The following ICE2 variants were observed in gnomAD, a reference collection of about 807,000 sequenced individuals.
ICE2 encodes little elongation complex subunit 2.
A neutral mutation model predicts 105.4 loss-of-function variants in ICE2; 87 were observed. The ratio of observed to expected loss-of-function variants is 0.83; its 90% CI spans 0.69 to 0.99. The LOEUF (loss-of-function observed/expected upper bound fraction) is 0.99, where lower values mean the gene tolerates loss of function less well. Among genes scored for constraint, ICE2 ranks in the 50% least tolerant of loss-of-function variants. ICE2 has a pLI of 0.00. For missense variants in ICE2, 1,323 were observed against 1,146.7 expected, an observed-to-expected ratio of 1.15 and a Z score of -2.22; for synonymous variants, 399 against 392.0, an observed-to-expected ratio of 1.02 and a Z score of -0.21.
chr15:60,455,098 G>C lies in ICE2; in HGVS notation c.848C>G (p.Thr283Ser), dbSNP rs918025313. The C allele has an allele frequency of 1.2e-6, 2 of 1,602,952 alleles. No homozygotes were observed. The highest frequency in any genetic ancestry group is 1.7e-5 in the Admixed American group (1 of 57,206). ...VSRYHPQIAL[T>S]SQSLFTLLNN... The stretch of plus-strand genomic sequence containing the variant: ...TAATAAGGTAAATAATGACTGACTA[G>C]TTAGAGCTATCTGAGGGTGATATCT... The change falls in exon 8 of 16, where the codon ACT (threonine) becomes AGT (serine). Residue 283 changes from threonine to serine, a missense_variant. Coordinates refer to ENST00000261520, the MANE Select transcript of ICE2 (RefSeq NM_024611.6).
rs1405186280 is a variant in ICE2, at chr15:60,423,693, A to C, written c.2890T>G (p.Leu964Val). Residue 964 changes from leucine to valine, a missense_variant, in exon 16 of 16, where the codon TTG (leucine) becomes GTG (valine). Leu to Val is a conservative substitution (Grantham distance 32). Transcript: ENST00000261520. ...PVSMETKSSC[L>V]PAQQVETEGV... is the part of the protein sequence containing the mutation. ...TCAGTTTCAACTTGCTGAGCAGGCAAGCAACTGCTTTTGGTTTCCATGGAA... is the reference window on the plus strand; with the variant it reads ...TCAGTTTCAACTTGCTGAGCAGGCACGCAACTGCTTTTGGTTTCCATGGAA... 1 of 1,607,704 alleles carries C rather than the reference A, an allele frequency of 6.2e-7. No individual in the cohort carries two copies. The highest frequency in any genetic ancestry group is 2.2e-5 in the East Asian group (1 of 44,786).
chr15:60,437,195 C>T (rs1285373991), intron 12 of ICE2, among the ~76,000 whole-genome samples: 1 of 151,672 alleles, frequency 6.6e-6, no homozygotes, highest in Non-Finnish European at 1.5e-5. Context: ...ATGGAGGTTG[C>T]AGTGAGCCGA....
chr15:60,435,476 G>A (rs1233286534), intron 13 of ICE2, among the ~76,000 whole-genome samples: 1 of 151,798 alleles, frequency 6.6e-6, no homozygotes, highest in Non-Finnish European at 1.5e-5. Flanking sequence ...GCGCATGCCT[G>A]TAATCCCAGC....
chr15:60,465,977 C>G (rs1392558560), intron 5 of ICE2, among the ~76,000 whole-genome samples: 1 of 151,984 alleles, frequency 6.6e-6, no homozygotes, highest in Non-Finnish European at 1.5e-5. Flanking sequence ...GTCTCGAACT[C>G]CTGACCTCAG....
intron 5 of ICE2, among the ~76,000 whole-genome samples, chr15:60,462,084 G>A (rs1282288396): frequency 1.3e-5 from 2 of 152,106 alleles, no homozygotes; most frequent in Non-Finnish European, 2.9e-5. Flanking sequence ...TTTAAAAGTG[G>A]TATTTAAAAG....
Position 60,478,987 on chromosome 15 carries a change from C to T in ICE2, c.-93+16G>A, listed in dbSNP as rs1199203955. The T allele has an allele frequency of 4.4e-6, 2 of 455,894 alleles. No homozygotes were observed. The highest frequency in any genetic ancestry group is 4.4e-6 in the Non-Finnish European group (1 of 226,764). 28.2% of individuals were successfully genotyped at this position (455,894 alleles called of 1,614,324 possible). A position where few individuals can be genotyped will look rare whatever the true frequency, so the allele number is the denominator to read the frequency against. On this transcript the variant is annotated intron_variant, in intron 1 of 15. Coordinates refer to ENST00000261520, the MANE Select transcript of ICE2 (RefSeq NM_024611.6). Reference sequence around the variant, plus strand: ...TCCCGTCCGCGTCTGGGCTGCAACACAGCCTTTCCGCCCACCTCATGGTCC... The same window carrying T: ...TCCCGTCCGCGTCTGGGCTGCAACATAGCCTTTCCGCCCACCTCATGGTCC...
intron 15 of ICE2, 78 bp from the exon 16 acceptor site, chr15:60,423,840 T>C (rs896935821): frequency 1.0e-5 from 13 of 1,272,260 alleles, no homozygotes; most frequent in Non-Finnish European, 1.4e-5. Context: ...GTAGTATTTA[T>C]ACATGTATTA....
intron 5 of ICE2, among the ~76,000 whole-genome samples, chr15:60,463,934 C>T (rs2064349870): frequency 1.3e-5 from 2 of 152,312 alleles, no homozygotes; most frequent in Non-Finnish European, 1.5e-5. Context: ...GAGGACTACA[C>T]AGGGGGCTTC....
intron 11 of ICE2, among the ~76,000 whole-genome samples, chr15:60,444,807 C>A (rs574437508): frequency 6.6e-6 from 1 of 152,264 alleles, no homozygotes; most frequent in East Asian, 1.9e-4. Context: ...GCCTCAGCCT[C>A]CCGAGCAGCC....
intron 3 of ICE2, among the ~76,000 whole-genome samples, chr15:60,470,460 G>T (rs2064559296): frequency 6.6e-6 from 1 of 152,042 alleles, no homozygotes; most frequent in South Asian, 2.1e-4. Context: ...CAAAAGGGGG[G>T]AATTAAAGGC....
chr15:60,470,247 A>C (rs2064552334), intron 3 of ICE2, among the ~76,000 whole-genome samples: 1 of 152,240 alleles, frequency 6.6e-6, no homozygotes, highest in African/African-American at 2.4e-5. Context: ...ATGTACATCA[A>C]CACAATGGGA....
At chr15:60,457,836 G>T (rs17270160) in intron 5 of ICE2, among the ~76,000 whole-genome samples, 2 of 152,034 alleles carry the variant, frequency 1.3e-5, no homozygotes, top group African/African-American at 4.8e-5. Context: ...CTGCAAACTC[G>T]TATCTGCAAA....
At chr15:60,459,125 A>G (rs2064205400) in intron 5 of ICE2, among the ~76,000 whole-genome samples, 1 of 152,164 alleles carries the variant, frequency 6.6e-6, no homozygotes, top group African/African-American at 2.4e-5. Flanking sequence ...TGTATACTTT[A>G]CCAAAATGAA....
chr15:60,476,861 A>G (rs574618647), intron 2 of ICE2, among the ~76,000 whole-genome samples: 1 of 152,348 alleles, frequency 6.6e-6, no homozygotes, highest in African/African-American at 2.4e-5. Context: ...GTGGAAAAGG[A>G]TAATTCCAAG....
At chr15:60,437,848 G>T (rs2063630954) in intron 12 of ICE2, 1 of 150,608 alleles carries the variant, frequency 6.6e-6, no homozygotes, top group Admixed American at 6.6e-5. Flanking sequence ...TTTTGGTACA[G>T]ATGGAGTTTC....
At chr15:60,453,516 T>C (rs542646541) in intron 9 of ICE2, 87 bp downstream of exon 9, 6 of 1,532,292 alleles carry the variant, frequency 3.9e-6, no homozygotes, top group Middle Eastern at 2.4e-4. Context: ...TTTTAACTAC[T>C]AGGTTTAGGG....
chr15:60,445,601 CATATTTTGAT>C (rs1566981996), intron 11 of ICE2: 11 of 967,532 alleles, frequency 1.1e-5, no homozygotes, highest in Non-Finnish European at 1.2e-5. Context: ...ACTATTTTGA[CATATTTTGAT>C]GAAGAATGAA....
Position 60,449,561 on chromosome 15 carries a change from T to C in ICE2, c.1406A>G (p.Gln469Arg), listed in dbSNP as rs1472496889. The change falls in exon 10 of 16, where the codon CAG becomes CGG. Residue 469 changes from glutamine to arginine, a missense_variant. By Grantham distance (43) the Gln-to-Arg change is conservative (BLOSUM62 1). Coordinates refer to ENST00000261520, the MANE Select transcript of ICE2 (RefSeq NM_024611.6). ...GCCACCATCCATACCAGTGACCAGCTGTTTCTCCTTTTGCAATTGTTCCAT... is the reference window on the plus strand; with the variant it reads ...GCCACCATCCATACCAGTGACCAGCCGTTTCTCCTTTTGCAATTGTTCCAT... ...ILMEQLQKEK[Q>R]LVTGMDGGPE... 1 of 1,614,114 alleles carries C rather than the reference T, an allele frequency of 6.2e-7. No individual in the cohort carries two copies. Among genetic ancestry groups the C allele is most frequent in the African/African-American group, 1.3e-5 (1 of 74,942 alleles).
chr15:60,463,845 A>C (rs193104883), intron 5 of ICE2, among the ~76,000 whole-genome samples: 3 of 152,286 alleles, frequency 2.0e-5, no homozygotes, highest in African/African-American at 7.2e-5. Flanking sequence ...TACACACACA[A>C]AAAGCACAGA....
Sources: allele counts gnomAD v4.1 joint callset (sites outside exome capture counted in the v4.1 genomes callset), GRCh38; gene constraint gnomAD v4.1.1; transcripts MANE v1.5; gene names NCBI Gene and HGNC (gene_info 2026-07-23, HGNC 2026-07-21).